Variants in BTD observed in about 807,000 individuals in gnomAD.
The protein encoded by BTD is biocytinase.
Under a neutral mutation model 17.7 loss-of-function variants are expected in BTD, and 13 were observed. That is an observed-to-expected ratio of 0.74 (90% CI 0.48 to 1.17). BTD has a LOEUF of 1.17. Among genes scored for constraint, BTD ranks in the 50% most tolerant of loss-of-function variants. The pLI, the probability that BTD is intolerant of heterozygous loss-of-function variation, is 0.00. For synonymous variants in BTD, 240 were observed against 245.2 expected (o/e 0.98, Z 0.20); for missense variants, 674 against 650.4 (o/e 1.04, Z -0.39).
At chr3:15,673,619 T>C (rs983537779) in intron 3 of BTD, among the ~76,000 whole-genome samples, 17 of 151,980 alleles carry the variant, frequency 1.1e-4, no homozygotes, top group African/African-American at 3.9e-4. Flanking sequence ...ATGGTAGGGG[T>C]ATCTAGCAAG....
intron 3 of BTD, among the ~76,000 whole-genome samples, chr3:15,681,088 T>C (rs1482289371): frequency 6.6e-6 from 1 of 152,224 alleles, no homozygotes. Context: ...GACTCCCCAC[T>C]GACAGCAAAA....
At chr3:15,636,963 C>T (rs1457954301) in intron 2 of BTD, among the ~76,000 whole-genome samples, 3 of 152,100 alleles carry the variant, frequency 2.0e-5, no homozygotes, top group African/African-American at 4.8e-5. Context: ...CTCAGACTCA[C>T]AGGTCCGTTT....
intron 1 of BTD, among the ~76,000 whole-genome samples, chr3:15,614,704 G>A (rs773209317): frequency 6.0e-5 from 9 of 149,484 alleles, no homozygotes; most frequent in Non-Finnish European, 1.3e-4. Context: ...TCAAGCAATC[G>A]CCCTACCTTA....
intron 3 of BTD, chr3:15,685,112 A>G (rs2067961046): frequency 8.7e-6 from 9 of 1,029,914 alleles, no homozygotes; most frequent in Admixed American, 1.9e-5. Flanking sequence ...CCTATACAGT[A>G]GATTATTCCC....
At chr3:15,716,926 C>T (rs2073144382), downstream of BTD, among the ~76,000 whole-genome samples, 1 of 152,134 alleles carries the variant, frequency 6.6e-6, no homozygotes, top group South Asian at 2.1e-4. Flanking sequence ...GGTGCCACTG[C>T]ACTCTGGGCT....
intron 3 of BTD, among the ~76,000 whole-genome samples, chr3:15,673,906 CTA>C (rs2066634689): frequency 6.6e-6 from 1 of 151,872 alleles, no homozygotes; most frequent in Non-Finnish European, 1.5e-5. Flanking sequence ...ATTTTAAGAA[CTA>C]TGAGTGGGGC....
intron 3 of BTD, chr3:15,678,138 T>C (rs1205579075): frequency 7.1e-6 from 10 of 1,418,024 alleles, no homozygotes; most frequent in Non-Finnish European, 9.4e-6. Context: ...AAGTCAGAAG[T>C]CTTGGGATCT....
At chr3:15,611,006 A>T (rs1485485563) in intron 1 of BTD, among the ~76,000 whole-genome samples, 1 of 151,572 alleles carries the variant, frequency 6.6e-6, no homozygotes, top group Non-Finnish European at 1.5e-5. Flanking sequence ...TTTGAACTTT[A>T]GATGAACAAT....
intron 3 of BTD, among the ~76,000 whole-genome samples, chr3:15,688,565 C>T (rs1265405169): frequency 6.6e-6 from 1 of 151,994 alleles, no homozygotes; most frequent in Non-Finnish European, 1.5e-5. Flanking sequence ...TTTTCTCAGC[C>T]CCACTTGAAC....
At chr3:15,662,457 G>A (rs1460525831) in intron 3 of BTD, among the ~76,000 whole-genome samples, 1 of 152,116 alleles carries the variant, frequency 6.6e-6, no homozygotes, top group South Asian at 2.1e-4. Flanking sequence ...TATGAACCTT[G>A]TATCTTGCAA....
downstream of BTD, chr3:15,714,669 GA>G: frequency 6.4e-7 from 1 of 1,568,502 alleles, no homozygotes. Context: ...GGGGGGGGAA[GA>G]AAAAAATTAC....
At chr3:15,697,471 GAAATA>G (rs1168358963) in intron 3 of BTD, 1 of 151,330 alleles carries the variant, frequency 6.6e-6, no homozygotes, top group Non-Finnish European at 1.5e-5. Flanking sequence ...AGGAACTATT[GAAATA>G]AAATACAATA....
intron 3 of BTD, chr3:15,685,538 C>T: frequency 9.8e-7 from 1 of 1,017,082 alleles, no homozygotes; most frequent in East Asian, 2.4e-5. Context: ...ACCATACTCT[C>T]CATATCCTTC....
chr3:15,670,219 A>C, intron 3 of BTD: 1 of 1,571,786 alleles, frequency 6.4e-7, no homozygotes, highest in Middle Eastern at 1.7e-4. Context: ...CTTTTTCCTG[A>C]AAAAGCACAG....
At chr3:15,687,484 G>A (rs1004436379) in intron 3 of BTD, among the ~76,000 whole-genome samples, 21 of 152,028 alleles carry the variant, frequency 1.4e-4, no homozygotes, top group Admixed American at 1.3e-3. Context: ...CAAAATTCAG[G>A]TCCTGTTAAT....
At chr3:15,627,060 C>G (rs2065084455) in intron 1 of BTD, among the ~76,000 whole-genome samples, 1 of 152,180 alleles carries the variant, frequency 6.6e-6, no homozygotes, top group Admixed American at 6.5e-5. Flanking sequence ...TCTGCCATGC[C>G]ATGGGTGAAG....
chr3:15,719,180 AGTTGAGAG>A (rs2073419195), intron 4 of BTD, among the ~76,000 whole-genome samples: 3 of 152,144 alleles, frequency 2.0e-5, no homozygotes, highest in Admixed American at 2.0e-4. Flanking sequence ...TTTGTCCTGT[AGTTGAGAG>A]GGCAATTTAA....
At chr3:15,721,754 C>T (rs1464221931) in intron 4 of BTD, among the ~76,000 whole-genome samples, 1 of 151,824 alleles carries the variant, frequency 6.6e-6, no homozygotes, top group Non-Finnish European at 1.5e-5. Flanking sequence ...TTTTGCTTTT[C>T]TTTTTTTTGA....
downstream of BTD, among the ~76,000 whole-genome samples, chr3:15,654,240 G>A (rs145294588): frequency 6.6e-6 from 1 of 152,248 alleles, no homozygotes; most frequent in South Asian, 2.1e-4. Context: ...GGGGAGGGAA[G>A]GAGCATGGAG....
Sources: gnomAD v4.1 joint callset for allele counts (sites outside exome capture counted in the v4.1 genomes callset) on GRCh38, gnomAD v4.1.1 for gene constraint, MANE v1.5 for transcripts, NCBI Gene and HGNC (gene_info 2026-07-23, HGNC 2026-07-21) for gene names.